Variants in DPP6 observed in about 807,000 individuals in gnomAD.
DPP6 encodes A-type potassium channel modulatory protein DPP6.
Under a neutral mutation model 122.6 loss-of-function variants are expected in DPP6, and 69 were observed. The observed-to-expected ratio is 0.56, with a 90% CI of 0.46 to 0.69. DPP6 has a LOEUF of 0.69. Ranked by LOEUF, DPP6 falls within the 30% of genes least tolerant of loss-of-function variation. The pLI, the probability that DPP6 is intolerant of heterozygous loss-of-function variation, is 0.00. For missense variants in DPP6, 928 were observed against 1,116.9 expected (o/e 0.83, Z 2.41); for synonymous variants, 418 against 433.1 (o/e 0.97, Z 0.43).
At chr7:154,800,837 T>G (rs575057438) in intron 12 of DPP6, among the ~76,000 whole-genome samples, 1 of 152,334 alleles carries the variant, frequency 6.6e-6, no homozygotes, top group African/African-American at 2.4e-5. Context: ...TGAGATCAAT[T>G]GTATTCAATA....
At chr7:154,825,453 G>T (rs1296845711) in intron 16 of DPP6, among the ~76,000 whole-genome samples, 3 of 152,216 alleles carry the variant, frequency 2.0e-5, no homozygotes, top group African/African-American at 7.2e-5. Flanking sequence ...AGGGATATTT[G>T]TCACTTATTC....
At chr7:154,671,925 G>A (rs148577546) in intron 7 of DPP6, among the ~76,000 whole-genome samples, 7 of 151,956 alleles carry the variant, frequency 4.6e-5, no homozygotes, top group East Asian at 3.9e-4. Context: ...AGGTTTCACC[G>A]TGCAATCTCC....
At chr7:153,767,367 AC>A in the DPP6 span, among the ~76,000 whole-genome samples, 2 of 151,974 alleles carry the variant, frequency 1.3e-5, no homozygotes, top group African/African-American at 4.8e-5. Context: ...AAAGTGAGAA[AC>A]TTTTTGTTGT....
At chr7:154,843,866 C>A (rs889546188) in intron 16 of DPP6, among the ~76,000 whole-genome samples, 1 of 152,210 alleles carries the variant, frequency 6.6e-6, no homozygotes, top group African/African-American at 2.4e-5. Flanking sequence ...GTTGTACTGG[C>A]CACATGGCAT....
chr7:154,118,979 C>A (rs1478678908), intron 1 of DPP6, among the ~76,000 whole-genome samples: 1 of 151,434 alleles, frequency 6.6e-6, no homozygotes, highest in African/African-American at 2.4e-5. Context: ...AATACATATA[C>A]CACCTGGCAT....
chr7:154,446,194 T>C lies in DPP6; in HGVS notation c.244-20T>C. On this transcript the variant is annotated intron_variant, in intron 1 of 25. Coordinates refer to ENST00000377770, the MANE Select transcript of DPP6 (RefSeq NM_130797.4). ...CCTTATTTCACTCACTGGGGTTTTC[T>C]TTGTTGTTGCTGTTTTTAGGAGCTG... 6.5e-7 allele frequency: 1 copy of C among 1,536,358 alleles called. No individual in the cohort carries two copies. Among genetic ancestry groups the C allele is most frequent in the Non-Finnish European group, 8.9e-7 (1 of 1,122,440 alleles).
intron 1 of DPP6, among the ~76,000 whole-genome samples, chr7:154,089,151 C>T (rs1473376635): frequency 6.6e-6 from 1 of 152,220 alleles, no homozygotes; most frequent in East Asian, 1.9e-4. Context: ...TGACTCACAA[C>T]AGCATAACTT....
At chr7:154,720,163 G>A (rs111642721) in intron 7 of DPP6, among the ~76,000 whole-genome samples, 1 of 152,180 alleles carries the variant, frequency 6.6e-6, no homozygotes, top group African/African-American at 2.4e-5. Context: ...AGATGCCAAC[G>A]AAAACAGAGC....
In DPP6 at chr7:153,943,294, C is replaced by T. The variant is rs369489927; in HGVS notation, c.51+55560C>T. 2.8e-4 allele frequency among the ~76,000 whole-genome samples: 43 copies of T among 152,216 alleles called. No individual in the cohort carries two copies. The East Asian group carries it at 6.2e-3, about 22-fold the overall frequency. On this transcript the variant is annotated intron_variant, in intron 1 of 25. Transcript: ENST00000404039. ...GAGGTCTTCCCTTGCCTCTCAAATT[C>T]TAGAAGTAAACATCTGTTGATTTTG...
Position 154,060,352 on chromosome 7 carries a change from C to T in DPP6, c.243+7289C>T, listed in dbSNP as rs1333064872. ...GGAGGGGGAGGCACCCCCCGCGAGG[C>T]AGGGACTGAGAGCCAGCCCCTGGTT... is the stretch of plus-strand genomic sequence containing the variant. On this transcript the variant is annotated intron_variant, in intron 1 of 25. Transcript: ENST00000377770. Among the ~76,000 whole-genome samples the T allele has an allele frequency of 9.7e-3, 1,138 of 117,600 alleles. 46 individuals carry two copies. Among genetic ancestry groups the T allele is most frequent in the Non-Finnish European group, 0.015 (862 of 55,620 alleles). The allele number at this position is 117,600 out of a possible 152,430, so 77.2% of individuals were successfully genotyped here.
rs1164228691 is a variant in DPP6, at chr7:154,663,966, C to G, written c.681-5394C>G. 1.1e-4 allele frequency among the ~76,000 whole-genome samples: 10 copies of G among 94,056 alleles called. 1 individual carries two copies. Among genetic ancestry groups the G allele is most frequent in the African/African-American group, 2.5e-4 (8 of 32,232 alleles). The allele number at this position is 94,056 out of a possible 152,430, so 61.7% of individuals were successfully genotyped here. ...GATGAATCACCATGGCGTATTGGCG[C>G]TAGTATTCATATAGTCATGATGAAT... On this transcript the variant is annotated intron_variant, in intron 6 of 25. Transcript: ENST00000377770.
chr7:154,575,374 TATGTGTGTG>T (rs1190908498), intron 5 of DPP6, among the ~76,000 whole-genome samples: 13 of 123,398 alleles, frequency 1.1e-4, no homozygotes, highest in African/African-American at 3.5e-4. Context: ...GATGTGTGTG[TATGTGTGTG>T]ATGTGTGTGT....
chr7:153,770,316 G>C, the DPP6 span, among the ~76,000 whole-genome samples: 5 of 152,120 alleles, frequency 3.3e-5, no homozygotes, highest in African/African-American at 4.8e-5. Context: ...AGGAGAAGGG[G>C]CACTCCTCAA....
intron 3 of DPP6, among the ~76,000 whole-genome samples, chr7:154,537,855 G>T (rs569558404): frequency 1.3e-5 from 2 of 152,142 alleles, no homozygotes; most frequent in African/African-American, 4.8e-5. Flanking sequence ...AATATTCATG[G>T]TAGAATGGTT....
intron 1 of DPP6, among the ~76,000 whole-genome samples, chr7:154,430,576 G>A (rs974993666): frequency 6.6e-6 from 1 of 152,120 alleles, no homozygotes; most frequent in Non-Finnish European, 1.5e-5. Context: ...CTGTCACATT[G>A]GGGAGTTAGG....
chr7:154,004,761 G>A (rs1797838919), intron 1 of DPP6, among the ~76,000 whole-genome samples: 1 of 151,982 alleles, frequency 6.6e-6, no homozygotes, highest in African/African-American at 2.4e-5. Context: ...GCTTTGGACT[G>A]TAGTTTATAT....
intron 17 of DPP6, among the ~76,000 whole-genome samples, chr7:154,860,182 C>A (rs3807277): frequency 0.093 from 14,175 of 152,134 alleles, 1,115 homozygotes; most frequent in East Asian, 0.43. Context: ...TGCTGCTGGG[C>A]GCACCCCTGC....
intron 1 of DPP6, among the ~76,000 whole-genome samples, chr7:154,070,876 G>C (rs144095858): frequency 6.6e-6 from 1 of 152,146 alleles, no homozygotes; most frequent in African/African-American, 2.4e-5. Flanking sequence ...AGTATGGCAT[G>C]AATAGCTGTT....
intron 1 of DPP6, among the ~76,000 whole-genome samples, chr7:154,433,241 G>A (rs1293858413): frequency 5.6e-5 from 8 of 142,400 alleles, no homozygotes; most frequent in African/African-American, 2.1e-4. Flanking sequence ...TGCCTCCCAG[G>A]TTCAAGCAAT....
Sources: allele counts gnomAD v4.1 joint callset (sites outside exome capture counted in the v4.1 genomes callset), GRCh38; gene constraint gnomAD v4.1.1; transcripts MANE v1.5; gene names NCBI Gene and HGNC (gene_info 2026-07-23, HGNC 2026-07-21).